The following CDIN1 variants were observed in gnomAD, a reference collection of about 807,000 sequenced individuals.
CDIN1 encodes the protein CDAN1-interacting nuclease 1.
CDIN1 carries 33 observed loss-of-function variants against 45.3 expected under a neutral mutation model. That is an observed-to-expected ratio of 0.73 (90% CI 0.55 to 0.97). The LOEUF (loss-of-function observed/expected upper bound fraction) is 0.97. Among genes scored for constraint, CDIN1 ranks in the 50% least tolerant of loss-of-function variants. The probability of loss-of-function intolerance (pLI) is 0.00; values close to 1 mark genes in which losing one functional copy is unlikely to be tolerated. For synonymous variants in CDIN1, 118 were observed against 124.4 expected, an observed-to-expected ratio of 0.95 and a Z score of 0.34; for missense variants, 303 against 339.4, an observed-to-expected ratio of 0.89 and a Z score of 0.84.
intron 5 of CDIN1, among the ~76,000 whole-genome samples, chr15:36,660,498 G>A (rs1409221329): frequency 6.6e-6 from 1 of 152,010 alleles, no homozygotes; most frequent in Non-Finnish European, 1.5e-5. Context: ...TAATAGCATG[G>A]GACATATAAG....
intron 1 of CDIN1, chr15:36,613,790 C>A: frequency 6.2e-7 from 1 of 1,602,646 alleles, no homozygotes; most frequent in Non-Finnish European, 8.5e-7. Flanking sequence ...AAAGATAGAA[C>A]TCCAGGAAAT....
At chr15:36,746,837 T>A in intron 10 of CDIN1, 4 of 153,502 alleles carry the variant, frequency 2.6e-5, no homozygotes, top group Non-Finnish European at 3.8e-5. Flanking sequence ...CGCGTCCCCC[T>A]CTTCCAGGCT....
At chr15:36,658,904 C>T (rs1454091149) in intron 5 of CDIN1, among the ~76,000 whole-genome samples, 1 of 152,108 alleles carries the variant, frequency 6.6e-6, no homozygotes, top group African/African-American at 2.4e-5. Context: ...TAAGTACTTC[C>T]CCTAAAAATT....
chr15:36,686,884 A>T, intron 5 of CDIN1, among the ~76,000 whole-genome samples: 2 of 64,614 alleles, frequency 3.1e-5, no homozygotes, highest in Admixed American at 2.2e-4. Flanking sequence ...AGATGGAGGG[A>T]GGGTGGGAGA....
chr15:36,609,111 G>A lies in CDIN1; in HGVS notation c.101+29150G>A, dbSNP rs2247077. ...CTGCAGCCTCAACCTCACACGCTCC[G>A]GTGATGCTTCTGCCTCAGCCTCCTG... is the stretch of plus-strand genomic sequence containing the variant. On this transcript the variant is annotated intron_variant, in intron 1 of 10. Transcript: ENST00000566621. 3.4e-3 allele frequency among the ~76,000 whole-genome samples: 513 copies of A among 152,194 alleles called. 3 individuals are homozygous for A. Among genetic ancestry groups the A allele is most frequent in the African/African-American group, 0.012 (484 of 41,524 alleles).
In CDIN1 at chr15:36,629,392, A is replaced by C. The variant is rs185916208; in HGVS notation, c.102-14886A>C. On this transcript the variant is annotated intron_variant, in intron 1 of 10. Transcript: ENST00000566621. Reference sequence around the variant, plus strand: ...TTTAGCACTGAATATTACTGAGGAAAAACTTACAATATTATTTGGTGCTAT... The same window carrying C: ...TTTAGCACTGAATATTACTGAGGAACAACTTACAATATTATTTGGTGCTAT... 2.3e-3 allele frequency among the ~76,000 whole-genome samples: 357 copies of C among 152,314 alleles called. 3 individuals are homozygous for C. Among genetic ancestry groups the C allele is most frequent in the African/African-American group, 8.1e-3 (336 of 41,566 alleles).
chr15:36,734,322 C>T (rs763705784), intron 10 of CDIN1: 38 of 402,192 alleles, frequency 9.4e-5, no homozygotes, highest in Non-Finnish European at 1.7e-4. Context: ...ATCCTTAGAA[C>T]AATACTAATA....
chr15:36,737,523 G>A (rs1035290418), intron 10 of CDIN1, among the ~76,000 whole-genome samples: 11 of 152,158 alleles, frequency 7.2e-5, no homozygotes, highest in Non-Finnish European at 1.2e-4. Flanking sequence ...GGCTTTTGTG[G>A]ACAGCTGACT....
chr15:36,758,583 C>A (rs2053672480), intron 10 of CDIN1, among the ~76,000 whole-genome samples: 1 of 152,110 alleles, frequency 6.6e-6, no homozygotes, highest in South Asian at 2.1e-4. Flanking sequence ...TTTTTCTTCA[C>A]CACCATCACT....
chr15:36,695,627 A>C (rs909411467), intron 7 of CDIN1, among the ~76,000 whole-genome samples: 2 of 152,154 alleles, frequency 1.3e-5, no homozygotes, highest in African/African-American at 4.8e-5. Context: ...TGGGCAGATC[A>C]CTTGAAGTTA....
At chr15:36,644,134 GT>G in intron 1 of CDIN1, 143 bp from the exon 2 acceptor site, 2 of 731,222 alleles carry the variant, frequency 2.7e-6, no homozygotes, top group South Asian at 3.5e-5. Flanking sequence ...TGTTTGAGGT[GT>G]TCATCTGGAA....
At chr15:36,721,786 CTCTG>C (rs763829536) in intron 10 of CDIN1, among the ~76,000 whole-genome samples, 26 of 151,908 alleles carry the variant, frequency 1.7e-4, no homozygotes, top group Non-Finnish European at 3.4e-4. Flanking sequence ...CTCTCTCTCT[CTCTG>C]TCTGTCTGTC....
intron 1 of CDIN1, among the ~76,000 whole-genome samples, chr15:36,616,529 G>A (rs1392947194): frequency 4.0e-5 from 6 of 151,118 alleles, no homozygotes; most frequent in African/African-American, 1.2e-4. Flanking sequence ...TGATCCACCC[G>A]CCTTGGCTTC....
intron 10 of CDIN1, among the ~76,000 whole-genome samples, chr15:36,788,792 G>T (rs545050649): frequency 5.3e-5 from 8 of 152,134 alleles, no homozygotes; most frequent in Non-Finnish European, 1.2e-4. Flanking sequence ...ATGTGATAGG[G>T]TTTATAGGGT....
At chr15:36,687,865 A>C (rs933894258) in intron 5 of CDIN1, among the ~76,000 whole-genome samples, 1 of 152,148 alleles carries the variant, frequency 6.6e-6, no homozygotes, top group African/African-American at 2.4e-5. Context: ...AACACAAGGA[A>C]AGTGAAACAA....
chr15:36,750,546 C>T (rs990248751), intron 10 of CDIN1, among the ~76,000 whole-genome samples: 10 of 152,094 alleles, frequency 6.6e-5, no homozygotes, highest in African/African-American at 2.4e-4. Flanking sequence ...CTTACAGTCT[C>T]TGATGTGTGG....
chr15:36,640,145 A>G (rs952372596), intron 1 of CDIN1, among the ~76,000 whole-genome samples: 1 of 152,088 alleles, frequency 6.6e-6, no homozygotes, highest in African/African-American at 2.4e-5. Context: ...TTGTAGTAGT[A>G]TTATATCAAA....
At chr15:36,601,062 A>G (rs1016777554) in intron 1 of CDIN1, among the ~76,000 whole-genome samples, 7 of 149,912 alleles carry the variant, frequency 4.7e-5, no homozygotes, top group Admixed American at 3.9e-4. Context: ...AAGTAGGGGT[A>G]TCAAAAAAAA....
At position 36,800,814 on chromosome 15, in the gene CDIN1, C is replaced by A. The variant is rs2054988017; in HGVS notation, c.717-7510C>A. On this transcript the variant is annotated intron_variant, in intron 10 of 10. Transcript: ENST00000566621. ...ATAGCACAGACCCCACACAGCAACT[C>A]ATAATAAGAGAAAAAGAAATATATA... Among the ~76,000 whole-genome samples the A allele has an allele frequency of 5.4e-5, 8 of 148,522 alleles. No homozygotes were observed. The South Asian group carries it at 1.7e-3, about 32-fold the overall frequency.
Sources: allele counts gnomAD v4.1 joint callset (sites outside exome capture counted in the v4.1 genomes callset), GRCh38; gene constraint gnomAD v4.1.1; transcripts MANE v1.5; gene names NCBI Gene and HGNC (gene_info 2026-07-23, HGNC 2026-07-21).